Variants in PLEKHH1 observed in about 807,000 individuals in gnomAD.
PLEKHH1 encodes pleckstrin homology domain-containing family H member 1.
PLEKHH1 carries 104 observed loss-of-function variants against 160.0 expected under a neutral mutation model. That is an observed-to-expected ratio of 0.65 (90% CI 0.55 to 0.76). The LOEUF (loss-of-function observed/expected upper bound fraction) is 0.76. PLEKHH1 is among the 30% of genes least tolerant of loss of function. The pLI is 0.00. For synonymous variants in PLEKHH1, 619 were observed against 678.4 expected (o/e 0.91, Z 1.36); for missense variants, 1,427 against 1,724.1 (o/e 0.83, Z 3.05).
rs369536997 is a variant in PLEKHH1 at position 67,575,716 on chromosome 14, C to T, written c.2170-107C>T. Reference sequence around the variant, plus strand: ...AGTCTCCACCTCCCCATCCTGTCATCGGTCCATATCCACGATTCCCAGCTT... The same window carrying T: ...AGTCTCCACCTCCCCATCCTGTCATTGGTCCATATCCACGATTCCCAGCTT... On this transcript the variant is annotated intron_variant, in intron 15 of 28. Transcript: ENST00000329153. 6.5e-5 allele frequency: 55 copies of T among 841,658 alleles called. No individual in the cohort carries two copies. In the East Asian group the frequency reaches 7.2e-4, roughly 11 times the overall value. 52.1% of individuals were successfully genotyped at this position (841,658 alleles called of 1,614,324 possible).
chr14:67,565,429 G>C (rs1326211379), intron 7 of PLEKHH1, among the ~76,000 whole-genome samples: 3 of 152,012 alleles, frequency 2.0e-5, no homozygotes, highest in Non-Finnish European at 4.4e-5. Context: ...ATTTTTTGTA[G>C]GGATGGAGTA....
Position 67,576,047 on chromosome 14 carries a change from GT to G in PLEKHH1, c.2352+43del. The G allele has an allele frequency of 2.0e-6, 3 of 1,468,184 alleles. No homozygotes were observed. The highest frequency in any genetic ancestry group is 2.8e-6 in the Non-Finnish European group (3 of 1,070,216). The allele number at this position is 1,468,184 out of a possible 1,614,324, so 90.9% of individuals were successfully genotyped here. ...GGCCTCCAGGGCCAAGCTTGGACCT[GT>G]GATTCTGATCTTCCCTTCTCTCTTT... On this transcript the variant is annotated intron_variant, in intron 16 of 28. Coordinates refer to ENST00000329153, the MANE Select transcript of PLEKHH1 (RefSeq NM_020715.3). The surrounding 1 kb of genome is among the most constrained non-coding windows in gnomAD (Gnocchi z 4.0).
In PLEKHH1 at chr14:67,574,304, G is replaced by T; in HGVS notation, c.1989G>T (p.Trp663Cys). Residue 663 changes from tryptophan (W) to cysteine (C), a missense_variant, in exon 14 of 29, where the codon TGG (tryptophan) becomes TGT (cysteine). By Grantham distance (215) the Trp-to-Cys change is radical. Coordinates refer to ENST00000329153, the MANE Select transcript of PLEKHH1 (RefSeq NM_020715.3). The surrounding 1 kb of genome is among the most constrained non-coding windows in gnomAD (Gnocchi z 4.2). The part of the protein sequence containing the change: ...TADSPSLLEE[W>C]IRVLQSLLKV... The stretch of plus-strand genomic sequence containing the variant: ...ATTCACCCAGCCTGCTGGAGGAGTG[G>T]ATCCGAGTACTCCAGAGCCTGCTGA... 6.2e-7 allele frequency: 1 copy of T among 1,607,514 alleles called. No individual in the cohort carries two copies. Among genetic ancestry groups the T allele is most frequent in the Non-Finnish European group, 8.5e-7 (1 of 1,177,006 alleles).
At chr14:67,555,919 C>T in intron 3 of PLEKHH1, 32 bp downstream of exon 3, 1 of 1,608,726 alleles carries the variant, frequency 6.2e-7, no homozygotes, top group Non-Finnish European at 8.5e-7. Context: ...CGGGAATATG[C>T]AGGGGAATGA....
At chr14:67,551,888 A>C (rs1177271014) in intron 2 of PLEKHH1, among the ~76,000 whole-genome samples, 2 of 151,836 alleles carry the variant, frequency 1.3e-5, no homozygotes, top group African/African-American at 4.8e-5. Flanking sequence ...AAAAAAAAAG[A>C]ATGTTGAACC....
At chr14:67,581,195 C>T (rs760788361) in intron 23 of PLEKHH1, among the ~76,000 whole-genome samples, 157 bp downstream of exon 23, 1 of 152,024 alleles carries the variant, frequency 6.6e-6, no homozygotes, top group Non-Finnish European at 1.5e-5. Context: ...GCGGGCTCTG[C>T]TGCTGATACT....
intron 9 of PLEKHH1, chr14:67,571,071 A>G (rs2035351996): frequency 6.6e-6 from 1 of 152,422 alleles, no homozygotes; most frequent in African/African-American, 2.4e-5. Flanking sequence ...TCGAAGCACC[A>G]TAACTATTAA....
chr14:67,565,647 C>A (rs72721039), intron 7 of PLEKHH1, among the ~76,000 whole-genome samples: 1 of 151,998 alleles, frequency 6.6e-6, no homozygotes, highest in Non-Finnish European at 1.5e-5. Flanking sequence ...GCAGACATCC[C>A]CTCCACAGAT....
chr14:67,560,245 T>C (rs978941744), intron 5 of PLEKHH1, among the ~76,000 whole-genome samples: 1 of 152,142 alleles, frequency 6.6e-6, no homozygotes, highest in African/African-American at 2.4e-5. Flanking sequence ...CAGGCTGGTC[T>C]CGAACTCCTG....
At chr14:67,586,337 C>T (rs930780565) in intron 28 of PLEKHH1, 1 of 1,401,146 alleles carries the variant, frequency 7.1e-7, no homozygotes, top group South Asian at 1.2e-5. Context: ...TACTATTATG[C>T]TCTTCACTTT....
In PLEKHH1 at chr14:67,571,811, C is replaced by T. The variant is rs752093599; in HGVS notation, c.1494C>T (p.Asp498=). Residue 498 remains aspartate (D), a synonymous_variant, in exon 10 of 29, where the codon GAC becomes GAT. Transcript: ENST00000329153. The part of the protein sequence containing the change: ...FMDESSGSDD[D]CSSQASFRIS... ...ACGAGTCCTCTGGGTCTGACGATGA[C>T]TGCAGCTCTCAGGCGAGTTTCCGAA... The T allele has an allele frequency of 2.5e-6, 4 of 1,613,942 alleles. No homozygotes were observed. The highest frequency in any genetic ancestry group is 3.4e-6 in the Non-Finnish European group (4 of 1,179,852).
intron 11 of PLEKHH1, among the ~76,000 whole-genome samples, chr14:67,572,778 G>A (rs1318142451): frequency 2.0e-5 from 3 of 152,028 alleles, no homozygotes; most frequent in Admixed American, 6.6e-5. Flanking sequence ...CGCATCCCTC[G>A]CCCCACACCT....
chr14:67,563,765 G>GA (rs2034954659), intron 7 of PLEKHH1, among the ~76,000 whole-genome samples: 1 of 128,772 alleles, frequency 7.8e-6, no homozygotes, highest in South Asian at 2.5e-4. Context: ...ACAGAGTCTT[G>GA]CTCTGTCACC....
rs71129833 is a variant in PLEKHH1, at chr14:67,535,370, C to CTTTTTTTT, written c.-35+1993_-35+2000dup. On this transcript the variant is annotated intron_variant, in intron 1 of 28. Transcript: ENST00000329153. ...GAGTTAGATCTGGTAGTGAGCACAT[C>CTTTTTTTT]TTTTTTTTTTTTTTTTTTTTTTTTT... is the stretch of plus-strand genomic sequence containing the variant. Among the ~76,000 whole-genome samples, 5 of 74,192 alleles carry CTTTTTTTT rather than the reference C, an allele frequency of 6.7e-5. 2 individuals are homozygous for CTTTTTTTT. The highest frequency in any genetic ancestry group is 2.4e-4 in the African/African-American group (4 of 16,486). The allele number at this position is 74,192 out of a possible 152,430, so 48.7% of individuals were successfully genotyped here. A position where few individuals can be genotyped will look rare whatever the true frequency, so the allele number is the denominator to read the frequency against.
chr14:67,579,562 T>G (rs376584218), intron 21 of PLEKHH1, 159 bp from the exon 22 acceptor site: 1 of 710,356 alleles, frequency 1.4e-6, no homozygotes, highest in South Asian at 1.9e-5. Context: ...ACATCCCTCA[T>G]GCACTGGCCC....
chr14:67,586,763 AG>A (rs1464380707), intron 28 of PLEKHH1: 18 of 1,310,762 alleles, frequency 1.4e-5, no homozygotes, highest in Non-Finnish European at 1.8e-5. Flanking sequence ...GCTAAAGGGG[AG>A]GATCTCCAGA....
chr14:67,536,709 A>G (rs889029931), intron 1 of PLEKHH1, among the ~76,000 whole-genome samples: 6 of 151,804 alleles, frequency 4.0e-5, no homozygotes, highest in African/African-American at 9.7e-5. Context: ...TATATCCCCA[A>G]TCTTGCACAC....
intron 2 of PLEKHH1, among the ~76,000 whole-genome samples, chr14:67,550,110 G>A (rs541057909): frequency 6.7e-6 from 1 of 148,732 alleles, no homozygotes; most frequent in South Asian, 2.1e-4. Flanking sequence ...TGTATTTTAT[G>A]TATTTGGAAA....
At position 67,574,486 on chromosome 14, in the gene PLEKHH1, T is replaced by A; in HGVS notation, c.2088+83T>A. 1 of 1,159,828 alleles carries A rather than the reference T, an allele frequency of 8.6e-7. No homozygotes were observed. The highest frequency in any genetic ancestry group is 1.2e-6 in the Non-Finnish European group (1 of 863,890). The allele number at this position is 1,159,828 out of a possible 1,614,324, so 71.8% of individuals were successfully genotyped here. A position where few individuals can be genotyped will look rare whatever the true frequency, so the allele number is the denominator to read the frequency against. On this transcript the variant is annotated intron_variant, in intron 14 of 28. Transcript: ENST00000329153. The surrounding 1 kb of genome is among the most constrained non-coding windows in gnomAD (Gnocchi z 4.2). ...GGATTGGGGTGCCGAGGGTGGTGGG[T>A]TCCCCCTTATACGGGGCTCCTTTCT...
Sources: allele counts gnomAD v4.1 joint callset (sites outside exome capture counted in the v4.1 genomes callset), GRCh38; gene constraint gnomAD v4.1.1; non-coding constraint Gnocchi (gnomAD v3.1); transcripts MANE v1.5; gene names NCBI Gene and HGNC (gene_info 2026-07-23, HGNC 2026-07-21).